Variants in LNP1 observed in about 807,000 individuals in gnomAD.
LNP1 encodes the protein leukemia NUP98 fusion partner 1.
In LNP1, 12 loss-of-function variants were observed where a neutral mutation model predicts 14.5. The observed-to-expected ratio is 0.83, with a 90% confidence interval of 0.53 to 1.34. The LOEUF is 1.34. Among genes scored for constraint, LNP1 ranks in the 40% most tolerant of loss-of-function variants. The pLI, the probability that LNP1 is intolerant of heterozygous loss-of-function variation, is 0.00. For missense variants in LNP1, 198 were observed against 210.9 expected, an observed-to-expected ratio of 0.94 and a Z score of 0.38; for synonymous variants, 75 against 71.4, an observed-to-expected ratio of 1.05 and a Z score of -0.26.
intron 1 of LNP1, 28 bp downstream of exon 1, chr3:100,402,467 A>C (rs1172893139): frequency 2.0e-5 from 3 of 152,226 alleles, no homozygotes; most frequent in Non-Finnish European, 4.4e-5. Context: ...AATTGCCTTC[A>C]GGCAATAGGG....
intron 2 of LNP1, among the ~76,000 whole-genome samples, chr3:100,444,826 CT>C (rs1468077633): frequency 1.3e-5 from 2 of 152,152 alleles, no homozygotes; most frequent in African/African-American, 4.8e-5. Context: ...AAATTTTAAT[CT>C]TGTCTGTAAG....
At chr3:100,403,224 G>A (rs1706930201) in intron 1 of LNP1, among the ~76,000 whole-genome samples, 1 of 152,128 alleles carries the variant, frequency 6.6e-6, no homozygotes, top group Admixed American at 6.5e-5. Flanking sequence ...TTCTTTTGAT[G>A]TTTGTTACAA....
At chr3:100,436,997 C>A (rs561963528) in intron 2 of LNP1, among the ~76,000 whole-genome samples, 1 of 152,198 alleles carries the variant, frequency 6.6e-6, no homozygotes, top group African/African-American at 2.4e-5. Flanking sequence ...TCACCAGGAA[C>A]TGAATTAGCC....
chr3:100,423,047 A>C (rs777936920), intron 1 of LNP1, among the ~76,000 whole-genome samples: 4 of 152,130 alleles, frequency 2.6e-5, no homozygotes, highest in Non-Finnish European at 5.9e-5. Context: ...ACACGTTGCC[A>C]CTAAACAAGA....
intron 1 of LNP1, among the ~76,000 whole-genome samples, chr3:100,424,638 T>A (rs1707174964): frequency 6.6e-6 from 1 of 152,178 alleles, no homozygotes; most frequent in African/African-American, 2.4e-5. Context: ...TAAACCACAT[T>A]AGTCGGGCAG....
intron 2 of LNP1, 36 bp from the exon 3 acceptor site, chr3:100,451,682 CT>C (rs750441396): frequency 1.0e-5 from 8 of 769,792 alleles, no homozygotes; most frequent in Non-Finnish European, 1.3e-5. Context: ...TTGCACAGTC[CT>C]TTTATACTGT....
intron 3 of LNP1, among the ~76,000 whole-genome samples, chr3:100,452,585 G>C (rs1395715535): frequency 6.7e-6 from 1 of 150,206 alleles, no homozygotes; most frequent in Non-Finnish European, 1.5e-5. Flanking sequence ...TTTGGAAAAA[G>C]AAAAAAAAAC....
chr3:100,424,390 G>A (rs1707173306), intron 1 of LNP1, among the ~76,000 whole-genome samples: 1 of 152,180 alleles, frequency 6.6e-6, no homozygotes, highest in African/African-American at 2.4e-5. Context: ...GTTGCATAGG[G>A]AAAGTCTGGA....
At chr3:100,416,750 T>G (rs1036396258) in intron 1 of LNP1, among the ~76,000 whole-genome samples, 4 of 150,856 alleles carry the variant, frequency 2.7e-5, no homozygotes, top group African/African-American at 9.8e-5. Flanking sequence ...AGTTCCAGGA[T>G]ACATGTGCAG....
At chr3:100,439,427 G>A (rs1707323890) in intron 2 of LNP1, among the ~76,000 whole-genome samples, 2 of 151,878 alleles carry the variant, frequency 1.3e-5, no homozygotes, top group Non-Finnish European at 1.5e-5. Context: ...GTTCCTCTTG[G>A]TCCACTGTGC....
At chr3:100,445,855 A>C (rs568265510) in intron 2 of LNP1, among the ~76,000 whole-genome samples, 1 of 152,234 alleles carries the variant, frequency 6.6e-6, no homozygotes, top group Admixed American at 6.5e-5. Context: ...CACAATTGCT[A>C]TAAAGAGAAT....
intron 1 of LNP1, 88 bp from the exon 2 acceptor site, chr3:100,429,609 A>C: frequency 2.3e-6 from 2 of 856,518 alleles, no homozygotes; most frequent in Admixed American, 4.9e-5. Flanking sequence ...GACCATTTTA[A>C]AAAGACCAGT....
intron 1 of LNP1, among the ~76,000 whole-genome samples, chr3:100,412,030 A>G (rs76300744): frequency 0.014 from 2,195 of 152,338 alleles, 26 homozygotes; most frequent in Non-Finnish European, 0.023. Flanking sequence ...GTGTTGCTAT[A>G]ACAGAATACC....
chr3:100,431,060 C>T (rs976180808), intron 2 of LNP1, among the ~76,000 whole-genome samples: 4 of 152,186 alleles, frequency 2.6e-5, no homozygotes, highest in African/African-American at 9.7e-5. Context: ...ATATATTCCA[C>T]AATGAGCAAA....
chr3:100,434,307 A>G (rs949546867), intron 2 of LNP1, among the ~76,000 whole-genome samples: 2 of 152,188 alleles, frequency 1.3e-5, no homozygotes, highest in Admixed American at 1.3e-4. Context: ...TCCCAGCACC[A>G]TTTATTAAAT....
chr3:100,430,020 C>T (rs1707228127), intron 2 of LNP1, 135 bp downstream of exon 2: 1 of 810,602 alleles, frequency 1.2e-6, no homozygotes, highest in South Asian at 2.0e-5. Context: ...TTTCTCATAC[C>T]CACAGAAATC....
chr3:100,410,087 C>T (rs531862730), intron 1 of LNP1, among the ~76,000 whole-genome samples: 1 of 151,908 alleles, frequency 6.6e-6, no homozygotes, highest in Non-Finnish European at 1.5e-5. Flanking sequence ...GCTAATGTAA[C>T]AGAAAAATAC....
At chr3:100,410,523 C>T (rs984538776) in intron 1 of LNP1, among the ~76,000 whole-genome samples, 7 of 152,068 alleles carry the variant, frequency 4.6e-5, no homozygotes, top group Non-Finnish European at 8.8e-5. Context: ...AAAGGTACCC[C>T]TTGGGTCCTC....
At chr3:100,430,532 C>A (rs111788594) in intron 2 of LNP1, among the ~76,000 whole-genome samples, 1 of 152,166 alleles carries the variant, frequency 6.6e-6, no homozygotes, top group Non-Finnish European at 1.5e-5. Context: ...CATGTACAGG[C>A]GGCTATTCTC....
Sources: gnomAD v4.1 joint callset for allele counts (sites outside exome capture counted in the v4.1 genomes callset) on GRCh38, gnomAD v4.1.1 for gene constraint, MANE v1.5 for transcripts, NCBI Gene and HGNC (gene_info 2026-07-23, HGNC 2026-07-21) for gene names.